The following DCC variants were observed in gnomAD, a reference collection of about 807,000 sequenced individuals.
DCC encodes netrin receptor DCC.
A neutral mutation model predicts 172.5 loss-of-function variants in DCC; 58 were observed. The ratio of observed to expected loss-of-function variants is 0.34; its 90% CI spans 0.27 to 0.42. The LOEUF is 0.42. DCC is among the 10% of genes least tolerant of loss of function. DCC has a pLI of 1.00. For synonymous variants in DCC, 709 were observed against 644.5 expected (o/e 1.10, Z -1.52); for missense variants, 1,740 against 1,791.0 (o/e 0.97, Z 0.51).
intron 2 of DCC, among the ~76,000 whole-genome samples, chr18:52,775,021 GC>G (rs35057184): frequency 6.6e-6 from 1 of 152,108 alleles, no homozygotes. Context: ...GTTTTTTAAA[GC>G]CCGGTGAAGG....
chr18:52,926,538 A>G (rs2040204600), intron 5 of DCC, among the ~76,000 whole-genome samples: 2 of 151,798 alleles, frequency 1.3e-5, no homozygotes, highest in South Asian at 4.1e-4. Context: ...CATTTGTAGT[A>G]TCAAAATTCA....
chr18:52,603,052 T>A lies in DCC; in HGVS notation c.92-149002T>A, dbSNP rs2034051185. ...CCTTGGATGAGTCAAAACACAGTGCTTTTGAACATGTAGCTCACAGATCAC... is the reference window on the plus strand; with the variant it reads ...CCTTGGATGAGTCAAAACACAGTGCATTTGAACATGTAGCTCACAGATCAC... On this transcript the variant is annotated intron_variant, in intron 1 of 28. Coordinates refer to ENST00000442544, the MANE Select transcript of DCC (RefSeq NM_005215.4). Among the ~76,000 whole-genome samples the A allele has an allele frequency of 2.0e-5, 3 of 152,112 alleles. No individual in the cohort carries two copies. The South Asian group carries it at 6.2e-4, about 31-fold the overall frequency.
chr18:52,574,187 T>C (rs1668008950), intron 1 of DCC, among the ~76,000 whole-genome samples: 1 of 152,186 alleles, frequency 6.6e-6, no homozygotes, highest in African/African-American at 2.4e-5. Flanking sequence ...AGTATATTGA[T>C]TATATGCTTC....
intron 1 of DCC, among the ~76,000 whole-genome samples, chr18:52,507,048 C>CAAATAGTTAAA (rs1176354733): frequency 6.6e-6 from 1 of 152,026 alleles, no homozygotes; most frequent in African/African-American, 2.4e-5. Flanking sequence ...TTGCAAAATG[C>CAAATAGTTAAA]AAAATGGGCA....
intron 19 of DCC, among the ~76,000 whole-genome samples, chr18:53,406,896 T>C (rs1010158052): frequency 7.2e-5 from 11 of 152,044 alleles, no homozygotes; most frequent in African/African-American, 2.7e-4. Context: ...TCTGAGGCCA[T>C]TTTTTAGACT....
At chr18:53,431,773 C>A (rs1007263283) in intron 21 of DCC, among the ~76,000 whole-genome samples, 1 of 152,040 alleles carries the variant, frequency 6.6e-6, no homozygotes, top group Non-Finnish European at 1.5e-5. Flanking sequence ...CATGAGCTAC[C>A]GCACCTGGCC....
chr18:52,719,115 C>T (rs981322320), intron 1 of DCC, among the ~76,000 whole-genome samples: 25 of 152,110 alleles, frequency 1.6e-4, no homozygotes, highest in Admixed American at 8.5e-4. Context: ...GCCTTCTTCC[C>T]TGCATGTCTG....
chr18:53,429,891 C>A (rs991156690), intron 21 of DCC, among the ~76,000 whole-genome samples: 8 of 152,018 alleles, frequency 5.3e-5, no homozygotes, highest in South Asian at 4.1e-4. Flanking sequence ...CTCATTAGTT[C>A]TTTTCTATTA....
chr18:53,118,975 A>G (rs2043445138), intron 7 of DCC, among the ~76,000 whole-genome samples: 1 of 151,836 alleles, frequency 6.6e-6, no homozygotes, highest in East Asian at 1.9e-4. Flanking sequence ...TAAATCTGCC[A>G]CAAATTATTC....
chr18:52,394,165 C>T, intron 1 of DCC, among the ~76,000 whole-genome samples: 1 of 152,080 alleles, frequency 6.6e-6, no homozygotes, highest in East Asian at 1.9e-4. Context: ...GATCTCAACT[C>T]CTATACCCAA....
At chr18:53,076,023 G>A (rs555321219) in intron 7 of DCC, among the ~76,000 whole-genome samples, 2 of 152,260 alleles carry the variant, frequency 1.3e-5, no homozygotes, top group Non-Finnish European at 2.9e-5. Context: ...AATTGGGGAA[G>A]GGAGTATCAA....
At chr18:52,492,296 G>A (rs190663436) in intron 1 of DCC, among the ~76,000 whole-genome samples, 6 of 152,036 alleles carry the variant, frequency 3.9e-5, no homozygotes, top group Admixed American at 1.3e-4. Flanking sequence ...GTCACAACTG[G>A]AGATAGATGT....
intron 1 of DCC, among the ~76,000 whole-genome samples, chr18:52,614,178 A>G (rs778508236): frequency 6.6e-6 from 1 of 152,170 alleles, no homozygotes; most frequent in Admixed American, 6.5e-5. Flanking sequence ...TATGTGTTTA[A>G]TGCATATAAT....
At chr18:53,036,582 A>G (rs919305497) in intron 5 of DCC, among the ~76,000 whole-genome samples, 1 of 152,052 alleles carries the variant, frequency 6.6e-6, no homozygotes, top group Non-Finnish European at 1.5e-5. Flanking sequence ...CAATACAGTA[A>G]AACTGACTTC....
intron 5 of DCC, among the ~76,000 whole-genome samples, chr18:52,932,560 A>C (rs2040321631): frequency 6.6e-6 from 1 of 152,110 alleles, no homozygotes; most frequent in African/African-American, 2.4e-5. Context: ...GAAAATAAAA[A>C]TATCTTTGAA....
chr18:52,576,620 G>C (rs1209142749), intron 1 of DCC, among the ~76,000 whole-genome samples: 2 of 151,770 alleles, frequency 1.3e-5, no homozygotes. Flanking sequence ...ACGAGGTCAG[G>C]AGATCGAGAC....
intron 1 of DCC, among the ~76,000 whole-genome samples, chr18:52,727,987 C>G (rs1342508048): frequency 6.6e-6 from 1 of 152,182 alleles, no homozygotes; most frequent in Non-Finnish European, 1.5e-5. Context: ...CCAACTCTCC[C>G]ATTTCATTAT....
intron 7 of DCC, among the ~76,000 whole-genome samples, chr18:53,156,135 G>A (rs1308920966): frequency 3.3e-5 from 5 of 152,104 alleles, no homozygotes; most frequent in African/African-American, 9.7e-5. Flanking sequence ...ACACCTACTT[G>A]GGCTGTATCT....
chr18:52,874,307 A>G (rs1001066167), intron 2 of DCC, among the ~76,000 whole-genome samples: 5 of 152,218 alleles, frequency 3.3e-5, no homozygotes, highest in Non-Finnish European at 5.9e-5. Flanking sequence ...AAACATTATA[A>G]AGACCAATTT....
Sources: gnomAD v4.1 joint callset for allele counts (sites outside exome capture counted in the v4.1 genomes callset) on GRCh38, gnomAD v4.1.1 for gene constraint, MANE v1.5 for transcripts, NCBI Gene and HGNC (gene_info 2026-07-23, HGNC 2026-07-21) for gene names.